Variants in SOD2 observed in about 807,000 individuals in gnomAD.
SOD2 encodes the protein superoxide dismutase [Mn], mitochondrial.
Under a neutral mutation model 27.0 loss-of-function variants are expected in SOD2, and 11 were observed. The observed-to-expected ratio is 0.41, with a 90% confidence interval of 0.26 to 0.67. SOD2 has a LOEUF of 0.67. SOD2 is among the 30% of genes least tolerant of loss of function. The pLI is 0.34. For synonymous variants in SOD2, 105 were observed against 103.0 expected (o/e 1.02, Z -0.12); for missense variants, 250 against 274.5 (o/e 0.91, Z 0.63).
chr6:159,730,657 G>A (rs1021928945), upstream of SOD2, among the ~76,000 whole-genome samples: 5 of 152,208 alleles, frequency 3.3e-5, no homozygotes, highest in African/African-American at 1.2e-4. Context: ...CTTTTCATCA[G>A]ATTAAAGTTG....
At chr6:159,759,499 G>A (rs1249539986) in intron 1 of SOD2, among the ~76,000 whole-genome samples, 3 of 151,284 alleles carry the variant, frequency 2.0e-5, no homozygotes, top group East Asian at 2.0e-4. Flanking sequence ...GTGAAACCCC[G>A]TCTTTACTAA....
rs1027353292 is a variant in SOD2 at position 159,670,035 on chromosome 6, T to C, written c.*12458A>G. 1 of 152,250 alleles carries C rather than the reference T, an allele frequency of 6.6e-6. No individual in the cohort carries two copies. Among genetic ancestry groups the C allele is most frequent in the Non-Finnish European group, 1.5e-5 (1 of 68,052 alleles). The allele number at this position is 152,250 out of a possible 1,614,324, so 9.4% of individuals were successfully genotyped here. ...TGTTTTTTGAGAGACAGGATCTCTT[T>C]CACCCAGACTGGAGTGCAGTGTAGA... On this transcript the variant is annotated 3_prime_UTR_variant, in exon 5 of 5. Transcript: ENST00000538183.
At chr6:159,728,899 C>T (rs545589642), upstream of SOD2, among the ~76,000 whole-genome samples, 29 of 152,178 alleles carry the variant, frequency 1.9e-4, no homozygotes, top group Non-Finnish European at 2.9e-4. Flanking sequence ...AGAATTTGGA[C>T]AAGCTACCAG....
Position 159,674,598 on chromosome 6 carries a change from A to T in SOD2, c.*7895T>A, listed in dbSNP as rs1247828881. On this transcript the variant is annotated 3_prime_UTR_variant, in exon 5 of 5. Transcript: ENST00000538183. ...ATTAGGTATTGATGGGACATATCTCAAAATAATAAGAGCTATCTATGACAA... is the reference window on the plus strand; with the variant it reads ...ATTAGGTATTGATGGGACATATCTCTAAATAATAAGAGCTATCTATGACAA... 1 of 152,382 alleles carries T rather than the reference A, an allele frequency of 6.6e-6. No homozygotes were observed. Among genetic ancestry groups the T allele is most frequent in the East Asian group, 1.9e-4 (1 of 5,192 alleles). 9.4% of individuals were successfully genotyped at this position (152,382 alleles called of 1,614,324 possible). A position where few individuals can be genotyped will look rare whatever the true frequency, so the allele number is the denominator to read the frequency against.
intron 1 of SOD2, chr6:159,753,242 T>A (rs191588923): frequency 8.7e-6 from 5 of 574,034 alleles, no homozygotes; most frequent in South Asian, 8.2e-5. Flanking sequence ...TGTAGCTGTT[T>A]GGGCACTTTT....
intron 1 of SOD2, among the ~76,000 whole-genome samples, chr6:159,758,483 GC>G (rs1334298357): frequency 3.3e-5 from 5 of 152,288 alleles, no homozygotes; most frequent in African/African-American, 1.2e-4. Context: ...ACAATGTAAA[GC>G]CATTCCTTCT....
At chr6:159,704,859 A>C (rs559316801) in intron 1 of SOD2, among the ~76,000 whole-genome samples, 10 of 152,352 alleles carry the variant, frequency 6.6e-5, no homozygotes, top group Admixed American at 3.3e-4. Flanking sequence ...GAGTAGCCTA[A>C]CTGGGAGGCA....
upstream of SOD2, chr6:159,745,330 G>C (rs141845020): frequency 3.9e-3 from 586 of 152,200 alleles, 3 homozygotes; most frequent in African/African-American, 0.014. Flanking sequence ...TGGCAGTTTT[G>C]ATCATATTAC....
At chr6:159,753,737 T>C in intron 1 of SOD2, 1 of 1,225,772 alleles carries the variant, frequency 8.2e-7, no homozygotes, top group Non-Finnish European at 1.1e-6. Flanking sequence ...TGATTGTATA[T>C]TATTGTGAGT....
At chr6:159,739,037 A>G in intron 1 of SOD2, 1 of 1,610,954 alleles carries the variant, frequency 6.2e-7, no homozygotes, top group Non-Finnish European at 8.5e-7. Context: ...GAGATGAGTT[A>G]ATTCTAAGGT....
intron 1 of SOD2, among the ~76,000 whole-genome samples, chr6:159,750,528 TATC>T (rs1779779822): frequency 6.6e-6 from 1 of 152,256 alleles, no homozygotes; most frequent in Admixed American, 6.5e-5. Flanking sequence ...TTTTCTTGGG[TATC>T]ATCAAGATAA....
exon 1 of SOD2, chr6:159,762,042 C>T (rs376277293): frequency 1.2e-4 from 185 of 1,606,216 alleles, no homozygotes; most frequent in Non-Finnish European, 1.4e-4. Flanking sequence ...AGGAGCTTTG[C>T]CTAGCTTGCA....
chr6:159,691,785 T>A (rs1427704765), intron 2 of SOD2: 5 of 151,666 alleles, frequency 3.3e-5, no homozygotes, highest in Non-Finnish European at 5.9e-5. Context: ...GAGTAAATAG[T>A]AAATAAAAAC....
upstream of SOD2, among the ~76,000 whole-genome samples, chr6:159,750,084 ACTTTT>A (rs1779763703): frequency 3.3e-5 from 5 of 151,778 alleles, no homozygotes; most frequent in South Asian, 1.0e-3. Context: ...GGTTTGTGTG[ACTTTT>A]CAGCAAGAAA....
chr6:159,697,954 A>G (rs1562430666), upstream of SOD2, among the ~76,000 whole-genome samples: 1 of 152,216 alleles, frequency 6.6e-6, no homozygotes, highest in Non-Finnish European at 1.5e-5. Context: ...AGCCTGGCCA[A>G]CATGGTGAAA....
chr6:159,707,453 G>A (rs2114815535), intron 1 of SOD2, among the ~76,000 whole-genome samples: 1 of 152,270 alleles, frequency 6.6e-6, no homozygotes, highest in East Asian at 1.9e-4. Flanking sequence ...CGATCCCACA[G>A]AAATACAAAC....
In SOD2 at chr6:159,713,113, A is replaced by C. The variant is rs1583041070; in HGVS notation, c.-116+14016T>G. On this transcript the variant is annotated intron_variant, in intron 1 of 2. Coordinates refer to the SOD2 transcript ENST00000401980. ...CATTCTTAGTGGCTCTGTAAGGTAA[A>C]CCCCTCGTGTGTACACAGTGCCCTG... 9.1e-6 allele frequency: 8 copies of C among 881,656 alleles called. No individual in the cohort carries two copies. In the East Asian group the frequency reaches 2.1e-4, roughly 23 times the overall value. The allele number at this position is 881,656 out of a possible 1,614,324, so 54.6% of individuals were successfully genotyped here.
At chr6:159,741,215 A>G (rs185425457) in intron 1 of SOD2, among the ~76,000 whole-genome samples, 1 of 152,306 alleles carries the variant, frequency 6.6e-6, no homozygotes, top group African/African-American at 2.4e-5. Context: ...CTAGCAGTGT[A>G]TATATTCAGG....
At chr6:159,753,065 G>A (rs1779878814) in intron 1 of SOD2, among the ~76,000 whole-genome samples, 1 of 152,208 alleles carries the variant, frequency 6.6e-6, no homozygotes, top group African/African-American at 2.4e-5. Context: ...GATGTTGCAT[G>A]TACCTTTTCA....
Sources: gnomAD v4.1 joint callset for allele counts (sites outside exome capture counted in the v4.1 genomes callset) on GRCh38, gnomAD v4.1.1 for gene constraint, MANE v1.5 for transcripts, NCBI Gene and HGNC (gene_info 2026-07-23, HGNC 2026-07-21) for gene names.